The following ANGPT4 variants were observed in gnomAD, a reference collection of about 807,000 sequenced individuals.
ANGPT4 encodes the protein angiopoietin-4.
Under a neutral mutation model 53.0 loss-of-function variants are expected in ANGPT4, and 50 were observed. The ratio of observed to expected loss-of-function variants is 0.94; its 90% confidence interval spans 0.75 to 1.20. ANGPT4 has a LOEUF of 1.20. ANGPT4 is among the 50% of genes most tolerant of loss of function. The pLI is 0.00. For synonymous variants in ANGPT4, 251 were observed against 259.7 expected (o/e 0.97, Z 0.32); for missense variants, 648 against 637.1 (o/e 1.02, Z -0.18).
rs1169728501 is a variant in ANGPT4 at position 908,253 on chromosome 20, G to A, written c.309+7653C>T. 2.0e-5 allele frequency among the ~76,000 whole-genome samples: 3 copies of A among 152,170 alleles called. No homozygotes were observed. Among genetic ancestry groups the A allele is most frequent in the African/African-American group, 4.8e-5 (2 of 41,440 alleles). On this transcript the variant is annotated intron_variant, in intron 1 of 8. Transcript: ENST00000381922. The surrounding 1 kb of genome is among the most constrained non-coding windows in gnomAD (Gnocchi z 4.9). ...AACAGGGTCAGGACCAGGGACATCT[G>A]TCTGGCTCCTGGTGAGCACTCCAGT...
At chr20:902,148 G>A (rs141877368) in intron 1 of ANGPT4, among the ~76,000 whole-genome samples, 1 of 152,156 alleles carries the variant, frequency 6.6e-6, no homozygotes, top group South Asian at 2.1e-4. Flanking sequence ...TCAATAGGGT[G>A]ATGGTGATGG....
At chr20:905,802 C>T (rs1982456351) in intron 1 of ANGPT4, among the ~76,000 whole-genome samples, 1 of 152,154 alleles carries the variant, frequency 6.6e-6, no homozygotes, top group Non-Finnish European at 1.5e-5. Flanking sequence ...ACTGCTGCTG[C>T]GGTCTCCCAA....
intron 1 of ANGPT4, among the ~76,000 whole-genome samples, chr20:901,077 C>T (rs546847678): frequency 6.6e-5 from 10 of 152,284 alleles, no homozygotes; most frequent in Non-Finnish European, 1.2e-4. Flanking sequence ...TAATCCTGCT[C>T]GAAGAAGCCC....
At chr20:912,206 G>A (rs1982729172) in intron 1 of ANGPT4, among the ~76,000 whole-genome samples, 1 of 152,186 alleles carries the variant, frequency 6.6e-6, no homozygotes, top group Admixed American at 6.5e-5. Context: ...TGGGGCAACT[G>A]GGGGAATGGC....
At chr20:900,998 A>G (rs1600060036) in intron 1 of ANGPT4, among the ~76,000 whole-genome samples, 1 of 152,054 alleles carries the variant, frequency 6.6e-6, no homozygotes, top group East Asian at 1.9e-4. Context: ...ACAACCCCAC[A>G]ATGTCACCCT....
chr20:888,368 GT>G lies in ANGPT4; in HGVS notation c.536del (p.Asn179ThrfsTer46). 1 of 1,613,896 alleles carries G rather than the reference GT, an allele frequency of 6.2e-7. No individual in the cohort carries two copies. On this transcript the variant is annotated frameshift_variant, in exon 3 of 9. Transcript: ENST00000381922. LOFTEE classifies it high-confidence loss of function. ...ETFLSTNKLE[N>X]QLLLQRQKLQ... The stretch of plus-strand genomic sequence containing the variant: ...GCTTCTGCCTCTGTAGCAGCAGCTG[GT>G]TCTCCAGCTTGTTGGTGGACAGAAA...
rs181151560 is a variant in ANGPT4 at position 898,415 on chromosome 20, C to G, written c.310-8047G>C. On this transcript the variant is annotated intron_variant, in intron 1 of 8. Transcript: ENST00000381922. ...TTTCTTTATCTGACCTCTCCCAGAT[C>G]AGTTAGCATTTAGGCTCTTTTTCAT... is the stretch of plus-strand genomic sequence containing the variant. 8.8e-4 allele frequency among the ~76,000 whole-genome samples: 134 copies of G among 152,318 alleles called. 1 individual carries two copies. Among genetic ancestry groups the G allele is most frequent in the South Asian group, 6.0e-3 (29 of 4,830 alleles).
Position 900,231 on chromosome 20 carries a change from A to G in ANGPT4, c.310-9863T>C, listed in dbSNP as rs372864700. ...TCCCAGGCCCTCTTCTTGTTTGCTT[A>G]TACCCAGCCCTGTAAATAACAGTGA... is the stretch of plus-strand genomic sequence containing the variant. On this transcript the variant is annotated intron_variant, in intron 1 of 8. Transcript: ENST00000381922. Among the ~76,000 whole-genome samples, 3 of 152,126 alleles carry G rather than the reference A, an allele frequency of 2.0e-5. No homozygotes were observed. In the South Asian group the frequency reaches 6.2e-4, roughly 32 times the overall value.
intron 1 of ANGPT4, among the ~76,000 whole-genome samples, chr20:898,215 T>C (rs1239554792): frequency 6.6e-6 from 1 of 152,002 alleles, no homozygotes; most frequent in Non-Finnish European, 1.5e-5. Context: ...CTGAGCCAGG[T>C]CCCAATTCTT....
chr20:901,438 G>A lies in ANGPT4; in HGVS notation c.310-11070C>T, dbSNP rs183819535. Among the ~76,000 whole-genome samples, 214 of 151,996 alleles carry A rather than the reference G, an allele frequency of 1.4e-3. 2 individuals are homozygous for A. The highest frequency in any genetic ancestry group is 1.8e-3 in the Non-Finnish European group (120 of 67,978). ...CCACAAGAGAACAACCCCCTTTAAC[G>A]TAATTTTCCATTACCTACCCAAATC... On this transcript the variant is annotated intron_variant, in intron 1 of 8. Transcript: ENST00000381922.
At position 890,165 on chromosome 20, in the gene ANGPT4, C is replaced by T. The variant is rs780000516; in HGVS notation, c.465+48G>A. ...TAAGATGACTGGGGCTACGAACCAG[C>T]CTGGCCAGCCACAGGCCCTCAGTGC... On this transcript the variant is annotated intron_variant, in intron 2 of 8. Transcript: ENST00000381922. 6.9e-6 allele frequency: 11 copies of T among 1,590,242 alleles called. No individual in the cohort carries two copies. In the African/African-American group the frequency reaches 9.4e-5, roughly 14 times the overall value.
intron 1 of ANGPT4, among the ~76,000 whole-genome samples, chr20:891,690 G>A (rs1981853541): frequency 6.6e-6 from 1 of 152,198 alleles, no homozygotes; most frequent in Non-Finnish European, 1.5e-5. Flanking sequence ...CTCGGGCCAG[G>A]CTCCAGCCAC....
chr20:915,483 T>G (rs747045999), intron 1 of ANGPT4, among the ~76,000 whole-genome samples: 8 of 152,212 alleles, frequency 5.3e-5, no homozygotes, highest in Non-Finnish European at 2.9e-5. Context: ...AGAAGTACTC[T>G]CTAATGATCT....
intron 1 of ANGPT4, among the ~76,000 whole-genome samples, chr20:891,627 C>T (rs1159244925): frequency 6.6e-6 from 1 of 152,214 alleles, no homozygotes; most frequent in Non-Finnish European, 1.5e-5. Context: ...AGCTGGACAG[C>T]TCTCAGGGTC....
At chr20:905,133 CT>C (rs1555792091) in intron 1 of ANGPT4, among the ~76,000 whole-genome samples, 1 of 152,166 alleles carries the variant, frequency 6.6e-6, no homozygotes, top group Non-Finnish European at 1.5e-5. Flanking sequence ...ATGTCACCTC[CT>C]CTGAGAAGCA....
In ANGPT4 at chr20:872,938, C is replaced by T. The variant is rs751850679; in HGVS notation, c.*22G>A. 14 of 1,613,186 alleles carry T rather than the reference C, an allele frequency of 8.7e-6. No individual in the cohort carries two copies. The highest frequency in any genetic ancestry group is 1.6e-4 in the Middle Eastern group (1 of 6,076). ...AAGTCCGAGCTTCTCCTGTGTGGTC[C>T]AGCCTCTGGCACAGCTGCTCGTTAG... On this transcript the variant is annotated 3_prime_UTR_variant, in exon 9 of 9. Transcript: ENST00000381922.
intron 7 of ANGPT4, among the ~76,000 whole-genome samples, chr20:877,814 C>T (rs986477933): frequency 3.3e-5 from 5 of 152,208 alleles, no homozygotes; most frequent in Non-Finnish European, 7.3e-5. Flanking sequence ...ACCCTTCCAC[C>T]CAGCCCCAGG....
intron 8 of ANGPT4, among the ~76,000 whole-genome samples, chr20:873,655 T>C (rs1344119764): frequency 6.6e-6 from 1 of 151,884 alleles, no homozygotes; most frequent in Non-Finnish European, 1.5e-5. Flanking sequence ...TCACATGCTG[T>C]GTTTGTCTCC....
rs528391316 is a variant in ANGPT4, at chr20:885,349, G to A, written c.588-24C>T. On this transcript the variant is annotated intron_variant, in intron 3 of 8. Coordinates refer to ENST00000381922, the MANE Select transcript of ANGPT4 (RefSeq NM_015985.4). ...CGCTGCGGGGTAGGGGGCGCACAGA[G>A]GTGAGCCTGGCATCCTCGCGAAGCA... 8 of 1,546,536 alleles carry A rather than the reference G, an allele frequency of 5.2e-6. No individual in the cohort carries two copies. In the Admixed American group the frequency reaches 9.4e-5, roughly 18 times the overall value.
Sources: allele counts gnomAD v4.1 joint callset (sites outside exome capture counted in the v4.1 genomes callset), GRCh38; gene constraint gnomAD v4.1.1; non-coding constraint Gnocchi (gnomAD v3.1); transcripts MANE v1.5; gene names NCBI Gene and HGNC (gene_info 2026-07-23, HGNC 2026-07-21).